Variants in C12orf42 observed in about 807,000 individuals in gnomAD.
C12orf42 encodes uncharacterized protein C12orf42.
Under a neutral mutation model 21.6 loss-of-function variants are expected in C12orf42, and 25 were observed. The ratio of observed to expected loss-of-function variants is 1.16; its 90% CI spans 0.84 to 1.62. The LOEUF is 1.62. Ranked by LOEUF, C12orf42 falls within the 40% of genes most tolerant of loss-of-function variation. The pLI, the probability that C12orf42 is intolerant of heterozygous loss-of-function variation, is 0.00. For missense variants in C12orf42, 483 were observed against 459.3 expected (o/e 1.05, Z -0.47); for synonymous variants, 174 against 175.0 (o/e 0.99, Z 0.05).
At chr12:103,476,420 T>A (rs911817706) in intron 2 of C12orf42, among the ~76,000 whole-genome samples, 1 of 152,200 alleles carries the variant, frequency 6.6e-6, no homozygotes, top group East Asian at 1.9e-4. Flanking sequence ...TCTCTTCCCA[T>A]AATGAGTCCA....
the C12orf42 span, among the ~76,000 whole-genome samples, chr12:103,062,996 A>G: frequency 6.6e-6 from 1 of 152,184 alleles, no homozygotes; most frequent in African/African-American, 2.4e-5. Flanking sequence ...GAGAACACTG[A>G]TAGTCCTTGG....
chr12:103,307,628 T>TA (rs2038502621), intron 4 of C12orf42, among the ~76,000 whole-genome samples: 1 of 152,130 alleles, frequency 6.6e-6, no homozygotes, highest in African/African-American at 2.4e-5. Context: ...AAGATATATC[T>TA]AAGAAGCAAA....
intron 2 of C12orf42, among the ~76,000 whole-genome samples, chr12:103,426,404 T>A (rs950885587): frequency 3.3e-5 from 5 of 151,952 alleles, no homozygotes; most frequent in South Asian, 4.2e-4. Context: ...GAAAACAAGA[T>A]TAGAGAAAAA....
At chr12:103,114,115 T>C in the C12orf42 span, among the ~76,000 whole-genome samples, 2 of 152,314 alleles carry the variant, frequency 1.3e-5, no homozygotes, top group Admixed American at 1.3e-4. Flanking sequence ...CCGTGACTAG[T>C]AATTGTTCTT....
the C12orf42 span, among the ~76,000 whole-genome samples, chr12:103,224,375 A>G: frequency 6.6e-6 from 1 of 152,156 alleles, no homozygotes; most frequent in African/African-American, 2.4e-5. Context: ...AGTGGCTTGT[A>G]CTATAGCATA....
intron 2 of C12orf42, among the ~76,000 whole-genome samples, chr12:103,463,886 C>T (rs1230269588): frequency 6.6e-6 from 1 of 152,088 alleles, no homozygotes; most frequent in South Asian, 2.1e-4. Flanking sequence ...TATCTGTGTC[C>T]CTGCAAAGGA....
chr12:103,166,063 A>AAGAG, the C12orf42 span, among the ~76,000 whole-genome samples: 1 of 149,054 alleles, frequency 6.7e-6, no homozygotes, highest in Non-Finnish European at 1.5e-5. Flanking sequence ...AGAAAAAAGA[A>AAGAG]AGAGAGAGAG....
chr12:103,087,910 C>G, the C12orf42 span, among the ~76,000 whole-genome samples: 1 of 152,130 alleles, frequency 6.6e-6, no homozygotes, highest in Non-Finnish European at 1.5e-5. Flanking sequence ...AAACTAGAAC[C>G]CATTATTATC....
At chr12:103,209,885 T>G in the C12orf42 span, among the ~76,000 whole-genome samples, 4 of 152,196 alleles carry the variant, frequency 2.6e-5, no homozygotes, top group Non-Finnish European at 5.9e-5. Context: ...CCAAATTCTT[T>G]CTTAATGCAA....
the C12orf42 span, among the ~76,000 whole-genome samples, chr12:103,112,385 C>G: frequency 1.3e-5 from 2 of 152,246 alleles, no homozygotes; most frequent in East Asian, 3.9e-4. Flanking sequence ...TGTGGCCAGG[C>G]GTGGTGGCTT....
intron 4 of C12orf42, among the ~76,000 whole-genome samples, chr12:103,315,011 A>G (rs2039322648): frequency 2.6e-5 from 4 of 152,212 alleles, no homozygotes; most frequent in Admixed American, 2.6e-4. Flanking sequence ...CAAAGTCCAG[A>G]GAATAGGAAA....
intron 3 of C12orf42, among the ~76,000 whole-genome samples, chr12:103,386,943 A>T (rs1274147450): frequency 6.6e-6 from 1 of 152,176 alleles, no homozygotes; most frequent in Non-Finnish European, 1.5e-5. Flanking sequence ...CCAAAGTCAC[A>T]TCCTGCAGCT....
At chr12:103,551,800 G>A in the C12orf42 span, among the ~76,000 whole-genome samples, 1 of 152,082 alleles carries the variant, frequency 6.6e-6, no homozygotes, top group Non-Finnish European at 1.5e-5. Context: ...CTGGGTGACA[G>A]AGCAAGACTC....
downstream of C12orf42, among the ~76,000 whole-genome samples, chr12:103,235,694 G>A (rs796927676): frequency 2.6e-5 from 4 of 152,218 alleles, no homozygotes; most frequent in African/African-American, 9.6e-5. Context: ...GTTGAAATGA[G>A]CATCAAAAGA....
chr12:103,231,808 A>G, the C12orf42 span, among the ~76,000 whole-genome samples: 22 of 152,350 alleles, frequency 1.4e-4, no homozygotes, highest in East Asian at 4.0e-3. Flanking sequence ...TAAGTTTTCA[A>G]TTCCTTTGAG....
chr12:103,322,129 A>G (rs3035233), intron 4 of C12orf42, among the ~76,000 whole-genome samples: 768 of 71,656 alleles, frequency 0.011, 2 homozygotes, highest in African/African-American at 0.045. Flanking sequence ...GCGCGCGCAC[A>G]CACACACACA....
intron 4 of C12orf42, among the ~76,000 whole-genome samples, chr12:103,361,318 C>T (rs2044083409): frequency 6.6e-6 from 1 of 152,034 alleles, no homozygotes; most frequent in African/African-American, 2.4e-5. Context: ...GGAGCTGAGT[C>T]AATTTAGAGA....
chr12:103,524,303 C>A, the C12orf42 span, among the ~76,000 whole-genome samples: 1 of 152,170 alleles, frequency 6.6e-6, no homozygotes, highest in Non-Finnish European at 1.5e-5. Context: ...GGGAAGAGAG[C>A]TTGGTCCTAT....
At chr12:103,223,849 T>C in the C12orf42 span, among the ~76,000 whole-genome samples, 5 of 152,218 alleles carry the variant, frequency 3.3e-5, no homozygotes, top group African/African-American at 1.2e-4. Context: ...AAAAGTAGTG[T>C]CCAGTCCTTT....
Sources: gnomAD v4.1 joint callset for allele counts (sites outside exome capture counted in the v4.1 genomes callset) on GRCh38, gnomAD v4.1.1 for gene constraint, MANE v1.5 for transcripts, NCBI Gene and HGNC (gene_info 2026-07-23, HGNC 2026-07-21) for gene names.